The following DIAPH3 variants were observed in gnomAD, a reference collection of about 807,000 sequenced individuals.
DIAPH3 encodes the protein protein diaphanous homolog 3.
A neutral mutation model predicts 144.3 loss-of-function variants in DIAPH3; 117 were observed. That is an observed-to-expected ratio of 0.81 (90% CI 0.70 to 0.95). The LOEUF is 0.95. DIAPH3 is among the 40% of genes least tolerant of loss of function. The pLI, the probability that DIAPH3 is intolerant of heterozygous loss-of-function variation, is 0.00. For missense variants in DIAPH3, 1,421 were observed against 1,412.7 expected, an observed-to-expected ratio of 1.01 and a Z score of -0.09; for synonymous variants, 519 against 488.9, an observed-to-expected ratio of 1.06 and a Z score of -0.81.
intron 27 of DIAPH3, among the ~76,000 whole-genome samples, chr13:59,679,737 A>T (rs2032842428): frequency 2.6e-5 from 4 of 152,156 alleles, no homozygotes; most frequent in African/African-American, 4.8e-5. Context: ...ATTTGAAATT[A>T]AAAAAATATT....
intron 2 of DIAPH3, among the ~76,000 whole-genome samples, chr13:60,118,380 C>G (rs2058751197): frequency 6.6e-6 from 1 of 152,146 alleles, no homozygotes; most frequent in Non-Finnish European, 1.5e-5. Flanking sequence ...AATTAGTCAT[C>G]TTACAATTTC....
At chr13:60,155,240 A>C (rs1951967984) in intron 1 of DIAPH3, among the ~76,000 whole-genome samples, 1 of 152,218 alleles carries the variant, frequency 6.6e-6, no homozygotes, top group Non-Finnish European at 1.5e-5. Context: ...TGCTTGCTTC[A>C]TAATTAAAGA....
intron 27 of DIAPH3, among the ~76,000 whole-genome samples, chr13:59,722,359 C>T (rs1034301214): frequency 2.6e-5 from 4 of 152,162 alleles, no homozygotes; most frequent in Non-Finnish European, 5.9e-5. Context: ...GGTGGACTGA[C>T]ATTCAACATC....
At chr13:60,072,999 T>G (rs963833442) in intron 4 of DIAPH3, among the ~76,000 whole-genome samples, 7 of 152,094 alleles carry the variant, frequency 4.6e-5, no homozygotes, top group Non-Finnish European at 7.4e-5. Context: ...ATATTACTTT[T>G]GAAAAGTTGT....
At chr13:60,059,434 T>C (rs1394823289) in intron 4 of DIAPH3, among the ~76,000 whole-genome samples, 2 of 152,068 alleles carry the variant, frequency 1.3e-5, no homozygotes, top group South Asian at 2.1e-4. Flanking sequence ...CTTTATGCTA[T>C]TTATAAGGTA....
At chr13:59,917,608 T>C (rs1031540229) in intron 18 of DIAPH3, among the ~76,000 whole-genome samples, 32 of 152,050 alleles carry the variant, frequency 2.1e-4, no homozygotes, top group Admixed American at 1.6e-3. Flanking sequence ...AATAGAGATT[T>C]GGCCAGGCAC....
At chr13:60,074,618 G>C (rs1450683184) in intron 4 of DIAPH3, among the ~76,000 whole-genome samples, 1 of 152,194 alleles carries the variant, frequency 6.6e-6, no homozygotes. Context: ...TCCAGCCCTA[G>C]TGCAAGATAA....
chr13:60,045,320 A>G (rs2055995393), intron 4 of DIAPH3, among the ~76,000 whole-genome samples: 1 of 152,070 alleles, frequency 6.6e-6, no homozygotes, highest in South Asian at 2.1e-4. Context: ...AGCCTGGGCA[A>G]CAAGATTGAA....
Position 59,927,903 on chromosome 13 carries a change from C to T in DIAPH3, c.2075-3033G>A, listed in dbSNP as rs149764293. On this transcript the variant is annotated intron_variant, in intron 17 of 27. Transcript: ENST00000400324. ...AATCTATTTGGGAATCTTTGAGCTT[C>T]GTGTATCTGGATGTCTATTTCTTTC... Among the ~76,000 whole-genome samples the T allele has an allele frequency of 4.5e-3, 692 of 152,204 alleles. 9 individuals are homozygous for T. Among genetic ancestry groups the T allele is most frequent in the African/African-American group, 0.015 (607 of 41,530 alleles).
chr13:60,074,682 A>T (rs1232915543), intron 4 of DIAPH3, among the ~76,000 whole-genome samples: 1 of 152,220 alleles, frequency 6.6e-6, no homozygotes, highest in African/African-American at 2.4e-5. Context: ...GTTTTCCTTT[A>T]CATGGGCAGA....
At chr13:59,850,232 G>C (rs1164364812) in intron 22 of DIAPH3, among the ~76,000 whole-genome samples, 1 of 151,730 alleles carries the variant, frequency 6.6e-6, no homozygotes, top group Non-Finnish European at 1.5e-5. Flanking sequence ...GAGACGATGG[G>C]GTTTTCTAGA....
intron 27 of DIAPH3, among the ~76,000 whole-genome samples, chr13:59,766,873 T>C (rs796334859): frequency 7.2e-5 from 11 of 152,244 alleles, no homozygotes; most frequent in African/African-American, 2.6e-4. Context: ...CTACCAATAC[T>C]GCGTTTCTCA....
chr13:59,985,510 T>C (rs112546800), intron 12 of DIAPH3, among the ~76,000 whole-genome samples: 16,518 of 48,526 alleles, frequency 0.34, 4,513 homozygotes, highest in Admixed American at 0.46. Flanking sequence ...GGGTATTCAA[T>C]TAGGAAAAGA....
chr13:60,138,146 TTTTG>T (rs1469979878), intron 1 of DIAPH3, among the ~76,000 whole-genome samples: 2 of 152,198 alleles, frequency 1.3e-5, no homozygotes, highest in African/African-American at 4.8e-5. Flanking sequence ...TTTTCCAGGT[TTTTG>T]TTTGTTTGGC....
chr13:60,047,672 A>C (rs2056142417), intron 4 of DIAPH3, among the ~76,000 whole-genome samples: 1 of 152,182 alleles, frequency 6.6e-6, no homozygotes, highest in South Asian at 2.1e-4. Context: ...ACTATAAAAC[A>C]TCTAGAAGAA....
At chr13:59,988,207 A>T (rs2051556493) in intron 12 of DIAPH3, among the ~76,000 whole-genome samples, 1 of 151,816 alleles carries the variant, frequency 6.6e-6, no homozygotes, top group Non-Finnish European at 1.5e-5. Context: ...CAAAAGTGTT[A>T]ATCTATGCTT....
At chr13:60,027,494 G>T (rs886393817) in intron 5 of DIAPH3, among the ~76,000 whole-genome samples, 10 of 151,980 alleles carry the variant, frequency 6.6e-5, no homozygotes, top group African/African-American at 1.9e-4. Flanking sequence ...CATACTGAAA[G>T]GCATAAAATA....
intron 9 of DIAPH3, among the ~76,000 whole-genome samples, chr13:60,005,672 G>A (rs545679488): frequency 1.7e-3 from 265 of 152,008 alleles, no homozygotes; most frequent in African/African-American, 5.9e-3. Flanking sequence ...TAGTAGAGAC[G>A]GGGTTTCACC....
chr13:59,905,297 C>G (rs1343173315), intron 20 of DIAPH3, among the ~76,000 whole-genome samples: 1 of 135,572 alleles, frequency 7.4e-6, no homozygotes, highest in Admixed American at 8.2e-5. Context: ...GAGTTGAGAT[C>G]GCGCCACTGC....
Sources: gnomAD v4.1 joint callset for allele counts (sites outside exome capture counted in the v4.1 genomes callset) on GRCh38, gnomAD v4.1.1 for gene constraint, MANE v1.5 for transcripts, NCBI Gene and HGNC (gene_info 2026-07-23, HGNC 2026-07-21) for gene names.